SLC4A10: variants seen among roughly 807,000 people sequenced by gnomAD.
The protein encoded by SLC4A10 is solute carrier family 4 member 10.
SLC4A10 carries 42 observed loss-of-function variants against 137.7 expected under a neutral mutation model. The ratio of observed to expected loss-of-function variants is 0.30; its 90% CI spans 0.24 to 0.39. The LOEUF (loss-of-function observed/expected upper bound fraction) is 0.39, where lower values mean the gene tolerates loss of function less well. SLC4A10 is among the 10% of genes least tolerant of loss of function. The pLI, the probability that SLC4A10 is intolerant of heterozygous loss-of-function variation, is 1.00. For missense variants in SLC4A10, 925 were observed against 1,355.0 expected (o/e 0.68, Z 4.98); for synonymous variants, 474 against 464.1 (o/e 1.02, Z -0.27).
Position 161,983,129 on chromosome 2 carries a change from T to C in SLC4A10, c.*27-50T>C, listed in dbSNP as rs932766884. The C allele has an allele frequency of 3.3e-6, 5 of 1,497,508 alleles. No homozygotes were observed. The Admixed American group carries it at 7.9e-5, about 24-fold the overall frequency. 92.8% of individuals were successfully genotyped at this position (1,497,508 alleles called of 1,614,324 possible). On this transcript the variant is annotated intron_variant, in intron 26 of 26. Coordinates refer to ENST00000446997, the MANE Select transcript of SLC4A10 (RefSeq NM_001178015.2). The stretch of plus-strand genomic sequence containing the variant: ...ATGTCTGAGCAAGCAGATGTCATAG[T>C]AGCCATGCTGGATTGCAGTAATAAA...
At chr2:161,682,158 A>G (rs2040925285) in intron 1 of SLC4A10, among the ~76,000 whole-genome samples, 1 of 152,108 alleles carries the variant, frequency 6.6e-6, no homozygotes, top group Admixed American at 6.6e-5. Context: ...AAAGGATTCC[A>G]TGTCGAGTAT....
chr2:161,940,104 A>G (rs1692399296), intron 15 of SLC4A10, among the ~76,000 whole-genome samples: 1 of 152,192 alleles, frequency 6.6e-6, no homozygotes, highest in Non-Finnish European at 1.5e-5. Flanking sequence ...CAAATGAAGA[A>G]ACATTTATTC....
chr2:161,667,840 A>G (rs2039244769), intron 1 of SLC4A10, among the ~76,000 whole-genome samples: 1 of 151,762 alleles, frequency 6.6e-6, no homozygotes, highest in African/African-American at 2.4e-5. Context: ...AGTTTTTTAA[A>G]AGAACTAGAA....
At chr2:161,871,561 C>T (rs1314787897) in intron 6 of SLC4A10, among the ~76,000 whole-genome samples, 1 of 152,004 alleles carries the variant, frequency 6.6e-6, no homozygotes, top group African/African-American at 2.4e-5. Flanking sequence ...ACTTAATTCT[C>T]ATCATCTTCC....
chr2:161,757,372 T>C (rs1369690871), intron 1 of SLC4A10, among the ~76,000 whole-genome samples: 1 of 152,202 alleles, frequency 6.6e-6, no homozygotes, highest in Non-Finnish European at 1.5e-5. Flanking sequence ...AAGCTCCTGA[T>C]TCTTCATCTT....
At chr2:161,733,098 C>G (rs891456160) in intron 1 of SLC4A10, among the ~76,000 whole-genome samples, 1 of 152,064 alleles carries the variant, frequency 6.6e-6, no homozygotes, top group Non-Finnish European at 1.5e-5. Flanking sequence ...AAGAAAAATT[C>G]CATTTTGAAA....
At chr2:161,671,125 G>A (rs2039659586) in intron 1 of SLC4A10, among the ~76,000 whole-genome samples, 1 of 152,090 alleles carries the variant, frequency 6.6e-6, no homozygotes, top group Non-Finnish European at 1.5e-5. Context: ...TTAAAAGGTG[G>A]CGCCTTTAAG....
intron 3 of SLC4A10, among the ~76,000 whole-genome samples, chr2:161,836,476 T>TAA (rs2058772868): frequency 1.0e-5 from 1 of 99,006 alleles, no homozygotes; most frequent in Non-Finnish European, 2.0e-5. Flanking sequence ...CCAGTGTGGG[T>TAA]GACAGAGTGA....
intron 2 of SLC4A10, among the ~76,000 whole-genome samples, chr2:161,791,323 G>A (rs1482113741): frequency 6.6e-6 from 1 of 152,138 alleles, no homozygotes; most frequent in East Asian, 1.9e-4. Context: ...GCAGGGACCT[G>A]GATGGAACTG....
At chr2:161,658,366 G>A (rs2037833144) in intron 1 of SLC4A10, among the ~76,000 whole-genome samples, 1 of 152,164 alleles carries the variant, frequency 6.6e-6, no homozygotes, top group Non-Finnish European at 1.5e-5. Flanking sequence ...CCACTCCAGA[G>A]TAGGAGAAAG....
At chr2:161,715,089 G>A (rs968128125) in intron 1 of SLC4A10, among the ~76,000 whole-genome samples, 2 of 151,750 alleles carry the variant, frequency 1.3e-5, no homozygotes, top group East Asian at 1.9e-4. Flanking sequence ...AGTATATATA[G>A]TATACTGAAA....
chr2:161,645,881 A>G (rs2035962778), intron 1 of SLC4A10, among the ~76,000 whole-genome samples: 1 of 152,086 alleles, frequency 6.6e-6, no homozygotes, highest in Non-Finnish European at 1.5e-5. Context: ...TGTATTATTT[A>G]CAAAACTCCT....
chr2:161,631,315 A>T (rs1468757453), intron 1 of SLC4A10, among the ~76,000 whole-genome samples: 1 of 151,854 alleles, frequency 6.6e-6, no homozygotes, highest in Non-Finnish European at 1.5e-5. Flanking sequence ...ATTTCAAAAA[A>T]TTATTTTAAA....
At chr2:161,676,456 T>C (rs570536410) in intron 1 of SLC4A10, among the ~76,000 whole-genome samples, 1 of 152,332 alleles carries the variant, frequency 6.6e-6, no homozygotes, top group South Asian at 2.1e-4. Context: ...TTCTATTTCA[T>C]ATTTTATGGC....
chr2:161,719,319 T>G (rs1006872086), intron 1 of SLC4A10, among the ~76,000 whole-genome samples: 6 of 152,298 alleles, frequency 3.9e-5, no homozygotes, highest in South Asian at 2.1e-4. Flanking sequence ...GACATTTGGG[T>G]TGGTTCCAAG....
intron 15 of SLC4A10, among the ~76,000 whole-genome samples, chr2:161,939,704 G>T (rs961191003): frequency 3.3e-5 from 5 of 151,852 alleles, no homozygotes; most frequent in African/African-American, 1.2e-4. Context: ...TAAGTAATTT[G>T]CCTAAAGATT....
chr2:161,943,164 A>T (rs568409409), intron 16 of SLC4A10, among the ~76,000 whole-genome samples: 1 of 152,126 alleles, frequency 6.6e-6, no homozygotes. Context: ...CACATTAAAT[A>T]TGAGTGGTGT....
intron 13 of SLC4A10, 54 bp downstream of exon 13, chr2:161,904,232 A>C: frequency 6.6e-7 from 1 of 1,512,958 alleles, no homozygotes; most frequent in Non-Finnish European, 8.9e-7. Flanking sequence ...TTTAAGATTC[A>C]TAGTTAGATA....
chr2:161,726,263 T>A (rs1305842383), intron 1 of SLC4A10, among the ~76,000 whole-genome samples: 1 of 152,180 alleles, frequency 6.6e-6, no homozygotes, highest in Non-Finnish European at 1.5e-5. Flanking sequence ...ATAAGTATTA[T>A]TTTGGCTACT....
Sources: allele counts gnomAD v4.1 joint callset (sites outside exome capture counted in the v4.1 genomes callset), GRCh38; gene constraint gnomAD v4.1.1; transcripts MANE v1.5; gene names NCBI Gene and HGNC (gene_info 2026-07-23, HGNC 2026-07-21).